MDGA2: variants seen among roughly 807,000 people sequenced by gnomAD.
The protein encoded by MDGA2 is MAM domain-containing glycosylphosphatidylinositol anchor protein 2.
MDGA2 carries 40 observed loss-of-function variants against 117.8 expected under a neutral mutation model. The ratio of observed to expected loss-of-function variants is 0.34; its 90% CI spans 0.26 to 0.44. The LOEUF is 0.44. MDGA2 is among the 20% of genes least tolerant of loss of function. MDGA2 has a pLI of 1.00. For missense variants in MDGA2, 1,123 were observed against 1,250.6 expected (o/e 0.90, Z 1.54); for synonymous variants, 452 against 439.0 (o/e 1.03, Z -0.37).
At chr14:47,561,315 T>G (rs1254004465) in intron 1 of MDGA2, among the ~76,000 whole-genome samples, 1 of 151,992 alleles carries the variant, frequency 6.6e-6, no homozygotes, top group African/African-American at 2.4e-5. Context: ...TGTAAATTAC[T>G]TTGGGCAGCA....
At chr14:47,107,683 A>C (rs12885128) in intron 5 of MDGA2, among the ~76,000 whole-genome samples, 21,496 of 149,648 alleles carry the variant, frequency 0.14, 1,406 homozygotes, top group Non-Finnish European at 0.17. Context: ...TCTCAAACCC[A>C]AGCACCTTCT....
At position 47,536,897 on chromosome 14, in the gene MDGA2, G is replaced by A. The variant is rs1473130667; in HGVS notation, c.280+137620C>T. ...AGCCTTGCCATCAAGAGATTTCAGA[G>A]GTCCAATTTCCCTAAATGTATGACC... On this transcript the variant is annotated intron_variant, in intron 1 of 16. Coordinates refer to ENST00000399232, the MANE Select transcript of MDGA2 (RefSeq NM_001113498.3). Among the ~76,000 whole-genome samples, 4 of 152,206 alleles carry A rather than the reference G, an allele frequency of 2.6e-5. No homozygotes were observed. In the South Asian group the frequency reaches 8.3e-4, roughly 32 times the overall value.
At chr14:47,280,263 G>A (rs938954800) in intron 2 of MDGA2, among the ~76,000 whole-genome samples, 10 of 127,604 alleles carry the variant, frequency 7.8e-5, no homozygotes, top group African/African-American at 2.7e-4. Flanking sequence ...GCGGTGCGCC[G>A]AGATCGCACC....
At chr14:47,664,285 G>A (rs1897902205) in intron 1 of MDGA2, among the ~76,000 whole-genome samples, 1 of 151,740 alleles carries the variant, frequency 6.6e-6, no homozygotes, top group South Asian at 2.1e-4. Context: ...ATTTTTTCCA[G>A]AAAAAAAATT....
chr14:47,166,441 GAT>G (rs1883881485), intron 3 of MDGA2, among the ~76,000 whole-genome samples: 8 of 152,144 alleles, frequency 5.3e-5, no homozygotes. Flanking sequence ...AATATTTATA[GAT>G]ATATAATTTT....
At chr14:46,992,383 C>G (rs1887124682) in intron 8 of MDGA2, among the ~76,000 whole-genome samples, 1 of 152,020 alleles carries the variant, frequency 6.6e-6, no homozygotes, top group African/African-American at 2.4e-5. Flanking sequence ...GACTATTCAC[C>G]ATTCAAGTGA....
At chr14:47,570,759 G>C (rs1287539159) in intron 1 of MDGA2, among the ~76,000 whole-genome samples, 1 of 152,110 alleles carries the variant, frequency 6.6e-6, no homozygotes, top group African/African-American at 2.4e-5. Flanking sequence ...ATTAATTCAA[G>C]ATGGATTAAA....
At chr14:47,311,222 A>C (rs1889623918) in intron 1 of MDGA2, among the ~76,000 whole-genome samples, 1 of 152,106 alleles carries the variant, frequency 6.6e-6, no homozygotes, top group Non-Finnish European at 1.5e-5. Flanking sequence ...ACCAAAATGA[A>C]ATTAGTCTTA....
intron 1 of MDGA2, among the ~76,000 whole-genome samples, chr14:47,431,713 C>A (rs1001209626): frequency 2.0e-5 from 3 of 152,034 alleles, no homozygotes; most frequent in African/African-American, 7.2e-5. Context: ...TAACGGCACA[C>A]ATTTTTGTAA....
chr14:47,200,610 T>C, intron 3 of MDGA2: 1 of 1,276,906 alleles, frequency 7.8e-7, no homozygotes, highest in Non-Finnish European at 1.1e-6. Context: ...AAGACCTCTG[T>C]ATATTTGTCA....
At chr14:47,254,181 C>A (rs1324308411) in intron 2 of MDGA2, among the ~76,000 whole-genome samples, 1 of 152,172 alleles carries the variant, frequency 6.6e-6, no homozygotes, top group Admixed American at 6.5e-5. Flanking sequence ...GAGACATTTC[C>A]CCCACTGTCT....
chr14:46,860,170 T>A (rs1881452350), intron 14 of MDGA2, among the ~76,000 whole-genome samples: 1 of 152,102 alleles, frequency 6.6e-6, no homozygotes, highest in Non-Finnish European at 1.5e-5. Flanking sequence ...TCTGGCTTCA[T>A]CTCTAAATCT....
chr14:47,193,534 C>A (rs996920597), intron 3 of MDGA2, among the ~76,000 whole-genome samples: 1 of 152,058 alleles, frequency 6.6e-6, no homozygotes. Context: ...TCTTTGATCT[C>A]TCAATGTATA....
intron 6 of MDGA2, among the ~76,000 whole-genome samples, chr14:47,084,266 T>C (rs889039180): frequency 6.6e-6 from 1 of 151,988 alleles, no homozygotes; most frequent in Non-Finnish European, 1.5e-5. Context: ...TCCAAATTCT[T>C]GGAAACTGAA....
chr14:47,338,076 A>T (rs1451546485), intron 1 of MDGA2, among the ~76,000 whole-genome samples: 1 of 152,070 alleles, frequency 6.6e-6, no homozygotes. Context: ...GTATCTAAAA[A>T]TAATCTGTAT....
chr14:46,989,443 T>C (rs1190724239), intron 8 of MDGA2, among the ~76,000 whole-genome samples: 1 of 152,134 alleles, frequency 6.6e-6, no homozygotes, highest in East Asian at 1.9e-4. Flanking sequence ...TCATAATTTT[T>C]CATCTTGGCA....
intron 1 of MDGA2, among the ~76,000 whole-genome samples, chr14:47,615,116 A>G (rs1008247955): frequency 7.9e-5 from 12 of 152,084 alleles, no homozygotes; most frequent in African/African-American, 2.9e-4. Flanking sequence ...TATTATTATT[A>G]TTATTATTTG....
chr14:47,034,973 G>A (rs1594549869), intron 8 of MDGA2, 38 bp downstream of exon 8: 1 of 1,553,436 alleles, frequency 6.4e-7, no homozygotes, highest in East Asian at 2.3e-5. Context: ...TTCTTCCCTT[G>A]TCCCCATATG....
At position 47,240,070 on chromosome 14, in the gene MDGA2, A is replaced by G. The variant is rs539230362; in HGVS notation, c.421-21875T>C. 3.1e-4 allele frequency among the ~76,000 whole-genome samples: 47 copies of G among 151,706 alleles called. 1 individual carries two copies. The South Asian group carries it at 6.9e-3, about 22-fold the overall frequency. ...AGTTTTTGCTGTTTTTTTTTGAGAC[A>G]GTCTTGCTCTGTTGCCCAGGCTGGA... On this transcript the variant is annotated intron_variant, in intron 2 of 16. Coordinates refer to ENST00000399232, the MANE Select transcript of MDGA2 (RefSeq NM_001113498.3).
Sources: gnomAD v4.1 joint callset for allele counts (sites outside exome capture counted in the v4.1 genomes callset) on GRCh38, gnomAD v4.1.1 for gene constraint, MANE v1.5 for transcripts, NCBI Gene and HGNC (gene_info 2026-07-23, HGNC 2026-07-21) for gene names.